The following ULK4 variants were observed in gnomAD, a reference collection of about 807,000 sequenced individuals.
ULK4 encodes the protein inactive serine/threonine-protein kinase ULK4.
Under a neutral mutation model 160.6 loss-of-function variants are expected in ULK4, and 133 were observed. The ratio of observed to expected loss-of-function variants is 0.83; its 90% CI spans 0.72 to 0.96. ULK4 has a LOEUF of 0.96. Ranked by LOEUF, ULK4 falls within the 40% of genes least tolerant of loss-of-function variation. The probability of loss-of-function intolerance (pLI) is 0.00; values close to 1 mark genes in which losing one functional copy is unlikely to be tolerated. For synonymous variants in ULK4, 534 were observed against 539.8 expected (o/e 0.99, Z 0.15); for missense variants, 1,580 against 1,499.5 (o/e 1.05, Z -0.89).
chr3:41,683,515 A>G (rs2035991993), intron 27 of ULK4, among the ~76,000 whole-genome samples: 1 of 150,940 alleles, frequency 6.6e-6, no homozygotes, highest in African/African-American at 2.4e-5. Context: ...CACTGCTACA[A>G]CTGGTGAGTT....
chr3:41,804,507 T>C (rs1389123847), intron 19 of ULK4, among the ~76,000 whole-genome samples: 2 of 150,866 alleles, frequency 1.3e-5, no homozygotes, highest in African/African-American at 4.9e-5. Context: ...TTTGTCAATT[T>C]TGTCTTTTGT....
chr3:41,474,307 T>C (rs1039745789), intron 32 of ULK4, among the ~76,000 whole-genome samples: 3 of 152,142 alleles, frequency 2.0e-5, no homozygotes, highest in Admixed American at 6.5e-5. Flanking sequence ...CATCCATATG[T>C]AGAAGACTAA....
intron 34 of ULK4, among the ~76,000 whole-genome samples, chr3:41,438,108 TAAA>T (rs11457444): frequency 4.1e-5 from 5 of 122,922 alleles, no homozygotes; most frequent in African/African-American, 6.0e-5. Flanking sequence ...TGTTTATTGT[TAAA>T]AAAAAAAAAA....
intron 21 of ULK4, among the ~76,000 whole-genome samples, chr3:41,786,241 C>T (rs769160187): frequency 3.3e-5 from 5 of 152,124 alleles, no homozygotes; most frequent in African/African-American, 9.7e-5. Flanking sequence ...TCCAAGAACT[C>T]GACAAAATTA....
intron 31 of ULK4, among the ~76,000 whole-genome samples, chr3:41,574,531 CTTTTTTTTTTT>C (rs568406782): frequency 1.2e-4 from 11 of 92,170 alleles, no homozygotes; most frequent in East Asian, 4.5e-4. Flanking sequence ...CCAGAGTCCT[CTTTTTTTTTTT>C]TTTTTTTTTT....
chr3:41,762,269 A>G (rs948736846), intron 21 of ULK4, among the ~76,000 whole-genome samples: 1 of 151,330 alleles, frequency 6.6e-6, no homozygotes, highest in Admixed American at 6.6e-5. Flanking sequence ...CCCATTAACC[A>G]CCCCCACTCT....
At chr3:41,893,982 C>T (rs188273622) in intron 16 of ULK4, among the ~76,000 whole-genome samples, 9 of 152,216 alleles carry the variant, frequency 5.9e-5, no homozygotes, top group Non-Finnish European at 1.2e-4. Context: ...AGGATTCCTA[C>T]CAGAGAACTT....
At chr3:41,901,304 C>T (rs1197230731) in intron 12 of ULK4, among the ~76,000 whole-genome samples, 3 of 150,290 alleles carry the variant, frequency 2.0e-5, no homozygotes, top group African/African-American at 7.3e-5. Flanking sequence ...CTCAGCCTCC[C>T]GAGTAGCTGG....
intron 21 of ULK4, among the ~76,000 whole-genome samples, chr3:41,769,859 C>T (rs774923392): frequency 5.3e-5 from 8 of 152,098 alleles, no homozygotes; most frequent in Non-Finnish European, 8.8e-5. Context: ...AATTGATCTG[C>T]TTCAATGGTC....
chr3:41,840,857 C>G (rs565926206), intron 17 of ULK4, among the ~76,000 whole-genome samples: 222 of 152,006 alleles, frequency 1.5e-3, no homozygotes, highest in Non-Finnish European at 2.3e-3. Flanking sequence ...GTGGGGAGCC[C>G]CTCTGCCTGG....
At chr3:41,263,346 G>C (rs1362713186) in intron 35 of ULK4, among the ~76,000 whole-genome samples, 1 of 152,140 alleles carries the variant, frequency 6.6e-6, no homozygotes, top group Non-Finnish European at 1.5e-5. Flanking sequence ...GCTCTGAGGT[G>C]GGAAACGGGA....
rs2081169611 is a variant in ULK4, at chr3:41,362,645, G to T, written c.3678+35434C>A. The stretch of plus-strand genomic sequence containing the variant: ...TAATAGTATCTCCTCTCATTAGGTT[G>T]TTCTAATATTATCCACATCAATGAC... On this transcript the variant is annotated intron_variant, in intron 35 of 36. Transcript: ENST00000301831. Among the ~76,000 whole-genome samples the T allele has an allele frequency of 2.0e-5, 3 of 152,166 alleles. No homozygotes were observed. The South Asian group carries it at 6.2e-4, about 32-fold the overall frequency.
intron 32 of ULK4, among the ~76,000 whole-genome samples, chr3:41,564,434 TTTC>T (rs1231167995): frequency 8.4e-4 from 122 of 144,444 alleles, no homozygotes; most frequent in African/African-American, 2.1e-3. Context: ...GACAGGGACG[TTTC>T]TTCTTCTTCT....
Position 41,663,621 on chromosome 3 carries a change from G to A in ULK4, c.3057C>T (p.Asn1019=), listed in dbSNP as rs1382313875. 2 of 1,613,684 alleles carry A rather than the reference G, an allele frequency of 1.2e-6. No individual in the cohort carries two copies. The highest frequency in any genetic ancestry group is 1.7e-6 in the Non-Finnish European group (2 of 1,179,794). ...ACTTCCAGTACCTTGTGAAAGTTGG[G>A]TTGTGTTCAGTCATCGCGACTAGCA... is the stretch of plus-strand genomic sequence containing the variant. ...LKLLVAMTEH[N]PTFTRLVEES... The change falls in exon 30 of 37, where the codon AAC becomes AAT. Residue 1019 remains asparagine (N), a synonymous_variant. Transcript: ENST00000301831.
At chr3:41,506,773 T>TATATATATATAAATATATATAA (rs2085401328) in intron 32 of ULK4, among the ~76,000 whole-genome samples, 3 of 20,108 alleles carry the variant, frequency 1.5e-4, no homozygotes, top group African/African-American at 4.4e-4. Flanking sequence ...TTAAAATATA[T>TATATATATATAAATATATATAA]ATATATATAT....
chr3:41,924,644 C>T (rs543928535), intron 5 of ULK4, among the ~76,000 whole-genome samples: 1 of 152,338 alleles, frequency 6.6e-6, no homozygotes, highest in African/African-American at 2.4e-5. Flanking sequence ...CCACAACAGT[C>T]ATTTTCAAAG....
chr3:41,824,163 T>TTAAAAAA (rs555935496), intron 18 of ULK4, among the ~76,000 whole-genome samples: 1 of 117,806 alleles, frequency 8.5e-6, no homozygotes, highest in East Asian at 2.3e-4. Flanking sequence ...ACTCTATCTT[T>TTAAAAAA]AAAAAAAAAA....
intron 35 of ULK4, among the ~76,000 whole-genome samples, chr3:41,287,368 C>A (rs1346192478): frequency 1.3e-5 from 2 of 152,136 alleles, no homozygotes; most frequent in Non-Finnish European, 2.9e-5. Flanking sequence ...CCTTCTGGCT[C>A]AAGAACTGAA....
At chr3:41,773,057 G>C (rs182208072) in intron 21 of ULK4, among the ~76,000 whole-genome samples, 1 of 152,300 alleles carries the variant, frequency 6.6e-6, no homozygotes, top group East Asian at 1.9e-4. Context: ...ATTAGGTACT[G>C]ATGGGACATA....
Sources: gnomAD v4.1 joint callset for allele counts (sites outside exome capture counted in the v4.1 genomes callset) on GRCh38, gnomAD v4.1.1 for gene constraint, MANE v1.5 for transcripts, NCBI Gene and HGNC (gene_info 2026-07-23, HGNC 2026-07-21) for gene names.